Variants in NUP42 observed in about 807,000 individuals in gnomAD.
The protein encoded by NUP42 is nucleoporin 42.
In NUP42, 47 loss-of-function variants were observed where a neutral mutation model predicts 35.9. That is an observed-to-expected ratio of 1.31 (90% CI 1.04 to 1.67). The LOEUF is 1.67. NUP42 is among the 40% of genes most tolerant of loss of function. The pLI is 0.00. For synonymous variants in NUP42, 173 were observed against 173.3 expected, an observed-to-expected ratio of 1.00 and a Z score of 0.01; for missense variants, 514 against 492.2, an observed-to-expected ratio of 1.04 and a Z score of -0.42.
chr7:23,188,007 A>ATTT lies in NUP42; in HGVS notation c.445+864_445+866dup, dbSNP rs774952755. The stretch of plus-strand genomic sequence containing the variant: ...TTCTCTCTCTCTTTTTTTATTTTTT[A>ATTT]TTTTTATTTTTTTTTTTGTCCATAG... On this transcript the variant is annotated intron_variant, in intron 3 of 6. Coordinates refer to ENST00000258742, the MANE Select transcript of NUP42 (RefSeq NM_007342.3). The ATTT allele has an allele frequency of 5.1e-5, 52 of 1,019,868 alleles. No homozygotes were observed. In the African/African-American group the frequency reaches 9.7e-4, roughly 19 times the overall value. 63.2% of individuals were successfully genotyped at this position (1,019,868 alleles called of 1,614,324 possible).
At chr7:23,193,080 G>T (rs1318247840) in intron 3 of NUP42, among the ~76,000 whole-genome samples, 4 of 151,356 alleles carry the variant, frequency 2.6e-5, no homozygotes, top group African/African-American at 9.7e-5. Flanking sequence ...AAGGCGGCCC[G>T]TCTGGAGTTG....
rs570186888 is a variant in NUP42, at chr7:23,190,659, A to G, written c.445+3513A>G. ...ACTTTTTCCATGCAGCTATAATAGA[A>G]TGATACTACTTTTGTCAATTTTGGC... On this transcript the variant is annotated intron_variant, in intron 3 of 6. Transcript: ENST00000258742. Among the ~76,000 whole-genome samples the G allele has an allele frequency of 1.2e-4, 19 of 152,320 alleles. No individual in the cohort carries two copies. In the South Asian group the frequency reaches 2.9e-3, roughly 23 times the overall value.
In NUP42 at chr7:23,195,839, G is replaced by T. The variant is rs147941761; in HGVS notation, c.446G>T (p.Gly149Val). The T allele has an allele frequency of 1.1e-4, 180 of 1,591,514 alleles. No homozygotes were observed. The highest frequency in any genetic ancestry group is 1.4e-4 in the Non-Finnish European group (167 of 1,166,472). Residue 149 changes from glycine (G) to valine (V), a missense_variant and splice_region_variant, in exon 4 of 7, where the codon GGT (glycine) becomes GTT (valine). Physicochemically the swap from Gly to Val is moderately radical, Grantham distance 109. Coordinates refer to ENST00000258742, the MANE Select transcript of NUP42 (RefSeq NM_007342.3). ...GATTCCGATTGATTCCTCACTTCAG[G>T]TTTTACAGACATTTCACCAGAGGAA... is the stretch of plus-strand genomic sequence containing the variant. ...SPVKKKPNIS[G>V]FTDISPEELR...
chr7:23,191,036 G>T (rs762050005), intron 3 of NUP42, among the ~76,000 whole-genome samples: 2 of 152,206 alleles, frequency 1.3e-5, no homozygotes, highest in African/African-American at 4.8e-5. Flanking sequence ...GTTATGGGAA[G>T]ATTTGGGGAA....
chr7:23,196,654 GTTATT>G (rs1187594321), intron 4 of NUP42, 21 bp from the exon 5 acceptor site: 1 of 1,497,752 alleles, frequency 6.7e-7, no homozygotes, highest in South Asian at 1.1e-5. Context: ...ATATTGAACT[GTTATT>G]TTTCTGTCTT....
chr7:23,193,010 C>T lies in NUP42; in HGVS notation c.446-2829C>T, dbSNP rs553200200. On this transcript the variant is annotated intron_variant, in intron 3 of 6. Transcript: ENST00000258742. ...GGAGTTTATTCCTTCTGGTGGGGTC[C>T]GTGGTCTCGCTGGCTCAGGAGTGAA... Among the ~76,000 whole-genome samples the T allele has an allele frequency of 4.7e-4, 72 of 151,796 alleles. 1 individual carries two copies. Among genetic ancestry groups the T allele is most frequent in the Admixed American group, 2.0e-4 (3 of 15,252 alleles).
intron 3 of NUP42, 67 bp from the exon 4 acceptor site, chr7:23,195,772 A>T: frequency 2.0e-6 from 2 of 979,882 alleles, no homozygotes; most frequent in Non-Finnish European, 3.1e-6. Flanking sequence ...CTTGTTTAGC[A>T]CCTCTAGCTT....
chr7:23,199,653 C>A, intron 6 of NUP42, 111 bp downstream of exon 6: 1 of 904,614 alleles, frequency 1.1e-6, no homozygotes. Context: ...AATTCTACAA[C>A]CTTCCATCAT....
At chr7:23,182,443 G>A in intron 1 of NUP42, 2 of 1,332,364 alleles carry the variant, frequency 1.5e-6, no homozygotes, top group Non-Finnish European at 1.9e-6. Context: ...ATGCTTGTGC[G>A]AAACTGAGTT....
chr7:23,182,437 T>C, intron 1 of NUP42: 1 of 1,344,018 alleles, frequency 7.4e-7, no homozygotes, highest in Non-Finnish European at 9.6e-7. Flanking sequence ...GCCTGGATGC[T>C]TGTGCGAAAC....
At chr7:23,186,505 G>A (rs1562604198) in intron 2 of NUP42, among the ~76,000 whole-genome samples, 1 of 152,178 alleles carries the variant, frequency 6.6e-6, no homozygotes, top group Non-Finnish European at 1.5e-5. Context: ...ATGTGGGTCT[G>A]TTTCCCCTGT....
chr7:23,200,700 A>G lies in NUP42; in HGVS notation c.1227A>G (p.Gly409=). ...EQFQSKKFTL[G]KIPLKPPPLE... is the part of the protein sequence containing the mutation. ...TTCAATCCAAGAAATTTACTCTGGG[A>G]AAAATTCCATTAAAGCCTCCACCTC... The change falls in exon 7 of 7, where the codon GGA becomes GGG. Residue 409 remains glycine (G), a synonymous_variant. Coordinates refer to ENST00000258742, the MANE Select transcript of NUP42 (RefSeq NM_007342.3). The G allele has an allele frequency of 6.2e-7, 1 of 1,607,454 alleles. No homozygotes were observed. The highest frequency in any genetic ancestry group is 8.5e-7 in the Non-Finnish European group (1 of 1,177,482).
rs544817829 is a variant in NUP42, at chr7:23,193,267, GT to G, written c.446-2570del. Among the ~76,000 whole-genome samples the G allele has an allele frequency of 5.3e-5, 8 of 152,306 alleles. 1 individual carries two copies. Among genetic ancestry groups the G allele is most frequent in the African/African-American group, 1.9e-4 (8 of 41,562 alleles). ...ACAGTGTGGAAGAGGAGCTGAGCGG[GT>G]TGCCACTGCTGGCTGGGGCAGCCTG... is the stretch of plus-strand genomic sequence containing the variant. On this transcript the variant is annotated intron_variant, in intron 3 of 6. Transcript: ENST00000258742.
intron 3 of NUP42, chr7:23,188,163 C>G (rs954112057): frequency 7.6e-7 from 1 of 1,308,806 alleles, no homozygotes; most frequent in Middle Eastern, 2.8e-4. Context: ...CAATCAATAT[C>G]GCAGAACCTT....
chr7:23,197,530 C>T (rs1786055031), intron 5 of NUP42, among the ~76,000 whole-genome samples: 1 of 152,150 alleles, frequency 6.6e-6, no homozygotes, highest in Non-Finnish European at 1.5e-5. Context: ...TTAGTGGGAC[C>T]TCTTGGAAGT....
chr7:23,183,506 C>T (rs897874586), intron 1 of NUP42, among the ~76,000 whole-genome samples: 4 of 152,134 alleles, frequency 2.6e-5, no homozygotes, highest in Admixed American at 6.5e-5. Context: ...CAGGCGTGAG[C>T]GACCGCGGCG....
intron 2 of NUP42, among the ~76,000 whole-genome samples, chr7:23,185,936 T>C (rs858241): frequency 0.98 from 149,427 of 152,196 alleles, 73,364 homozygotes; most frequent in East Asian, 1. Context: ...GATAGGGTTT[T>C]ACCATGTTGG....
intron 5 of NUP42, 131 bp from the exon 6 acceptor site, chr7:23,199,327 C>T: frequency 1.5e-6 from 1 of 688,234 alleles, no homozygotes; most frequent in Non-Finnish European, 2.6e-6. Context: ...GCTAGGATTA[C>T]AGGTGTGAGC....
chr7:23,194,685 C>CTTTTGCTTTTGTTTTTGT (rs561137859), intron 3 of NUP42: 8,249 of 155,758 alleles, frequency 0.053, 281 homozygotes, highest in African/African-American at 0.074. Flanking sequence ...TTTGTTTTTG[C>CTTTTGCTTTTGTTTTTGT]TTTTGTTTTT....
Sources: gnomAD v4.1 joint callset for allele counts (sites outside exome capture counted in the v4.1 genomes callset) on GRCh38, gnomAD v4.1.1 for gene constraint, MANE v1.5 for transcripts, NCBI Gene and HGNC (gene_info 2026-07-23, HGNC 2026-07-21) for gene names.